TXNDC5: variants seen among roughly 807,000 people sequenced by gnomAD.
The protein encoded by TXNDC5 is thioredoxin domain containing 5, also known as thioredoxin domain-containing protein 5.
TXNDC5 carries 44 observed loss-of-function variants against 52.6 expected under a neutral mutation model. That is an observed-to-expected ratio of 0.84 (90% CI 0.66 to 1.08). The LOEUF is 1.08. TXNDC5 is among the 50% of genes least tolerant of loss of function. TXNDC5 has a pLI of 0.00. For synonymous variants in TXNDC5, 241 were observed against 234.4 expected (o/e 1.03, Z -0.26); for missense variants, 600 against 565.5 (o/e 1.06, Z -0.62).
At position 7,883,212 on chromosome 6, in the gene TXNDC5, G is replaced by A. The variant is rs758259073; in HGVS notation, c.1231C>T (p.His411Tyr). 2 of 1,614,190 alleles carry A rather than the reference G, an allele frequency of 1.2e-6. No homozygotes were observed. Among genetic ancestry groups the A allele is most frequent in the Non-Finnish European group, 1.7e-6 (2 of 1,180,028 alleles). ...LFRGGKKVSE[H>Y]SGGRDLDSLH... is the part of the protein sequence containing the mutation. Reference sequence around the variant, plus strand: ...GAGTCAAGGTCTCTGCCTCCACTGTGCTCACTGACTTTCTTCCCTCCTCGG... The same window carrying A: ...GAGTCAAGGTCTCTGCCTCCACTGTACTCACTGACTTTCTTCCCTCCTCGG... Residue 411 changes from histidine to tyrosine, a missense_variant, in exon 10 of 10, where the codon CAC (histidine) becomes TAC (tyrosine). Physicochemically the swap from His to Tyr is moderately conservative, Grantham distance 83. Coordinates refer to ENST00000379757, the MANE Select transcript of TXNDC5 (RefSeq NM_030810.5).
chr6:7,882,015 T>C lies in TXNDC5; in HGVS notation c.*1129A>G, dbSNP rs1561802562. On this transcript the variant is annotated 3_prime_UTR_variant, in exon 10 of 10. Transcript: ENST00000379757. ...CAGCATGAGTTAGAGGACACTGGCATCAACAGCTGCCACAGCCGTGCACAC... is the reference window on the plus strand; with the variant it reads ...CAGCATGAGTTAGAGGACACTGGCACCAACAGCTGCCACAGCCGTGCACAC... The C allele has an allele frequency of 6.5e-6, 1 of 152,694 alleles. No individual in the cohort carries two copies. Among genetic ancestry groups the C allele is most frequent in the Non-Finnish European group, 1.5e-5 (1 of 68,078 alleles). The allele number at this position is 152,694 out of a possible 1,614,324, so 9.5% of individuals were successfully genotyped here.
rs777744119 is a variant in TXNDC5 at position 7,883,116 on chromosome 6, G to T, written c.*28C>A. 3.7e-6 allele frequency: 6 copies of T among 1,613,718 alleles called. No homozygotes were observed. The South Asian group carries it at 5.5e-5, about 15-fold the overall frequency. On this transcript the variant is annotated 3_prime_UTR_variant, in exon 10 of 10. Coordinates refer to ENST00000379757, the MANE Select transcript of TXNDC5 (RefSeq NM_030810.5). ...CCTAAACGCAGGGTGCGGGAGCTGG[G>T]CAGGAGAGGTGACCTCCAACTGTGT...
chr6:7,889,441 G>C, intron 6 of TXNDC5, 54 bp downstream of exon 6: 3 of 1,529,642 alleles, frequency 2.0e-6, no homozygotes, highest in South Asian at 2.3e-5. Context: ...CAGTAGCTCA[G>C]CCTGATGGGG....
At chr6:7,885,877 C>T in intron 8 of TXNDC5, 84 bp downstream of exon 8, 1 of 1,261,600 alleles carries the variant, frequency 7.9e-7, no homozygotes, top group Non-Finnish European at 1.1e-6. Context: ...AACATTGAGT[C>T]TGGAGGGGTG....
chr6:7,890,737 T>C (rs1029688597), intron 5 of TXNDC5, among the ~76,000 whole-genome samples: 5 of 152,212 alleles, frequency 3.3e-5, no homozygotes, highest in Non-Finnish European at 7.3e-5. Flanking sequence ...GATTACAATT[T>C]ACCAAGCATC....
intron 3 of TXNDC5, 53 bp downstream of exon 3, chr6:7,899,523 G>C: frequency 1.4e-6 from 2 of 1,397,512 alleles, no homozygotes; most frequent in Non-Finnish European, 2.0e-6. Context: ...CAAAGATGTA[G>C]GCAGGGAGAG....
chr6:7,904,564 T>A lies in TXNDC5; in HGVS notation c.413+10A>T. 1 of 1,613,390 alleles carries A rather than the reference T, an allele frequency of 6.2e-7. No individual in the cohort carries two copies. The highest frequency in any genetic ancestry group is 8.5e-7 in the Non-Finnish European group (1 of 1,179,464). ...CACCTAGGAAGTGTGCCCCCTTCCT[T>A]CCAACTTACGTGGGGTATCCTCGCA... On this transcript the variant is annotated intron_variant, in intron 2 of 9. Transcript: ENST00000379757.
At chr6:7,883,306 C>A in intron 9 of TXNDC5, 40 bp from the exon 10 acceptor site, 1 of 1,612,710 alleles carries the variant, frequency 6.2e-7, no homozygotes, top group East Asian at 2.2e-5. Flanking sequence ...ACCAGCGGTC[C>A]AGATCACATG....
At chr6:7,906,359 A>G (rs1279396220) in intron 1 of TXNDC5, among the ~76,000 whole-genome samples, 3 of 152,100 alleles carry the variant, frequency 2.0e-5, no homozygotes, top group Non-Finnish European at 2.9e-5. Context: ...AACAAGGTGA[A>G]GCCCCATCTC....
At position 7,884,430 on chromosome 6, in the gene TXNDC5, G is replaced by T. The variant is rs766486391; in HGVS notation, c.1105C>A (p.Pro369Thr). The change falls in exon 9 of 10, where the codon CCT becomes ACT. Residue 369 changes from proline to threonine, a missense_variant. Transcript: ENST00000379757. ...TWEELSKKEFPGLAGVKIAEV... is the reference protein window; with the variant it reads ...TWEELSKKEFTGLAGVKIAEV... ...GCGATCTTGACCCCCGCCAGACCAG[G>T]GAATTCCTTTTTAGAGAGTTCCTCC... 1.2e-6 allele frequency: 2 copies of T among 1,614,088 alleles called. No homozygotes were observed. Among genetic ancestry groups the T allele is most frequent in the Non-Finnish European group, 8.5e-7 (1 of 1,180,000 alleles).
intron 5 of TXNDC5, 131 bp downstream of exon 5, chr6:7,891,490 T>A: frequency 1.6e-6 from 1 of 634,852 alleles, no homozygotes; most frequent in Non-Finnish European, 2.7e-6. Context: ...AAATGAATTA[T>A]CAAGTGGCAC....
intron 4 of TXNDC5, among the ~76,000 whole-genome samples, chr6:7,894,329 G>A (rs1760298112): frequency 6.6e-6 from 1 of 151,350 alleles, no homozygotes; most frequent in Non-Finnish European, 1.5e-5. Context: ...CGAACTCCTG[G>A]GCTCAAGTAG....
chr6:7,883,073 C>T lies in TXNDC5; in HGVS notation c.*71G>A. 1 of 1,600,916 alleles carries T rather than the reference C, an allele frequency of 6.2e-7. No individual in the cohort carries two copies. The highest frequency in any genetic ancestry group is 8.5e-7 in the Non-Finnish European group (1 of 1,170,682). ...ACAGCCACCACTGGGAACCCAGTGG[C>T]CTCTGTGGGACTGAACTCCTAAACG... On this transcript the variant is annotated 3_prime_UTR_variant, in exon 10 of 10. Transcript: ENST00000379757.
intron 9 of TXNDC5, 111 bp downstream of exon 9, chr6:7,884,248 C>A: frequency 6.9e-7 from 1 of 1,443,682 alleles, no homozygotes. Context: ...GACATAAAAA[C>A]CACATTGTTG....
rs1759807949 is a variant in TXNDC5, at chr6:7,882,709, A to T, written c.*435T>A. 5.6e-6 allele frequency: 1 copy of T among 178,982 alleles called. No individual in the cohort carries two copies. Among genetic ancestry groups the T allele is most frequent in the Non-Finnish European group, 1.2e-5 (1 of 83,776 alleles). The allele number at this position is 178,982 out of a possible 1,614,324, so 11.1% of individuals were successfully genotyped here. Reference sequence around the variant, plus strand: ...CAACTGTGACCTTAAGATCAGAGGAACGTCAATACTGCCACAAGGCCACCT... The same window carrying T: ...CAACTGTGACCTTAAGATCAGAGGATCGTCAATACTGCCACAAGGCCACCT... On this transcript the variant is annotated 3_prime_UTR_variant, in exon 10 of 10. Transcript: ENST00000379757.
rs1760328899 is a variant in TXNDC5, at chr6:7,895,278, T to A, written c.520-76A>T. 2.2e-6 allele frequency: 3 copies of A among 1,380,132 alleles called. No individual in the cohort carries two copies. The Admixed American group carries it at 6.5e-5, about 30-fold the overall frequency. 85.5% of individuals were successfully genotyped at this position (1,380,132 alleles called of 1,614,324 possible). On this transcript the variant is annotated intron_variant, in intron 3 of 9. Coordinates refer to ENST00000379757, the MANE Select transcript of TXNDC5 (RefSeq NM_030810.5). ...AAACCATCCAGGAGGTGACTGTGTC[T>A]GTGGGGAACCGCCTGCAGATGCCTC...
chr6:7,886,206 C>A (rs1327251597), intron 7 of TXNDC5, among the ~76,000 whole-genome samples, 163 bp from the exon 8 acceptor site: 1 of 152,194 alleles, frequency 6.6e-6, no homozygotes, highest in African/African-American at 2.4e-5. Context: ...TCATAGGCTA[C>A]ACACAAAGGG....
intron 1 of TXNDC5, among the ~76,000 whole-genome samples, chr6:7,906,530 C>A: frequency 1.1e-5 from 1 of 94,782 alleles, no homozygotes; most frequent in East Asian, 4.2e-4. Context: ...AGCAAGACTC[C>A]ATCTCAAAAA....
rs998484919 is a variant in TXNDC5, at chr6:7,889,507, T to A, written c.807A>T (p.Arg269=). Residue 269 remains arginine, a synonymous_variant, in exon 6 of 10, where the codon CGA becomes CGT. Coordinates refer to ENST00000379757, the MANE Select transcript of TXNDC5 (RefSeq NM_030810.5). ...AGTGCAGACGTACCTTTTTCCCATC[T>A]CGGAACCAGAGAAGAGTGGGATAGC... ...VRGYPTLLWF[R]DGKKVDQYKG... is the part of the protein sequence containing the mutation. 6 of 1,613,400 alleles carry A rather than the reference T, an allele frequency of 3.7e-6. No homozygotes were observed. Among genetic ancestry groups the A allele is most frequent in the Non-Finnish European group, 5.1e-6 (6 of 1,179,512 alleles).
Sources: gnomAD v4.1 joint callset for allele counts (sites outside exome capture counted in the v4.1 genomes callset) on GRCh38, gnomAD v4.1.1 for gene constraint, MANE v1.5 for transcripts, NCBI Gene and HGNC (gene_info 2026-07-23, HGNC 2026-07-21) for gene names.